Variants in DTX1 observed in about 807,000 individuals in gnomAD.
DTX1 encodes the protein E3 ubiquitin-protein ligase DTX1.
A neutral mutation model predicts 57.8 loss-of-function variants in DTX1; 26 were observed. That is an observed-to-expected ratio of 0.45 (90% confidence interval 0.33 to 0.62). The LOEUF (loss-of-function observed/expected upper bound fraction) is 0.62. Among genes scored for constraint, DTX1 ranks in the 20% least tolerant of loss-of-function variants. The pLI is 0.02. For missense variants in DTX1, 704 were observed against 895.3 expected (o/e 0.79, Z 2.73); for synonymous variants, 398 against 394.1 (o/e 1.01, Z -0.12).
chr12:113,092,626 T>TA (rs1440092154), intron 3 of DTX1, among the ~76,000 whole-genome samples: 1 of 152,248 alleles, frequency 6.6e-6, no homozygotes, highest in Non-Finnish European at 1.5e-5. Context: ...AACCTGGACT[T>TA]ATCATTGTTA....
rs148609376 is a variant in DTX1 at position 113,082,641 on chromosome 12, G to C, written c.941+4536G>C. 3.9e-5 allele frequency among the ~76,000 whole-genome samples: 6 copies of C among 152,288 alleles called. No individual in the cohort carries two copies. In the East Asian group the frequency reaches 1.2e-3, roughly 29 times the overall value. ...ACAGAGCCTCGCTCTTATTGCCCAG[G>C]CTGGAGTACAGTGGCGCAATCACAG... is the stretch of plus-strand genomic sequence containing the variant. On this transcript the variant is annotated intron_variant, in intron 3 of 9. Coordinates refer to ENST00000548759, the MANE Select transcript of DTX1 (RefSeq NM_004416.3).
At position 113,057,500 on chromosome 12, in the gene DTX1, T is replaced by A. The variant is rs1592838627; in HGVS notation, c.-693T>A. The A allele has an allele frequency of 6.9e-6, 1 of 144,966 alleles. No homozygotes were observed. The highest frequency in any genetic ancestry group is 1.5e-5 in the Non-Finnish European group (1 of 65,812). 9.0% of individuals were successfully genotyped at this position (144,966 alleles called of 1,614,324 possible). ...TGCCCACGGGCCCCCGCCCCCCTCG[T>A]CCCCCTCGTCCCCCAGCCCAGCTCC... On this transcript the variant is annotated 5_prime_UTR_variant, in exon 2 of 10. Transcript: ENST00000548759.
At chr12:113,058,518 T>C in intron 2 of DTX1, 67 bp downstream of exon 2, 2 of 1,529,320 alleles carry the variant, frequency 1.3e-6, no homozygotes, top group African/African-American at 1.4e-5. Flanking sequence ...CGTAGGATGC[T>C]GAAAATCCCA....
chr12:113,092,950 A>G (rs1411783830), intron 3 of DTX1, among the ~76,000 whole-genome samples: 1 of 152,198 alleles, frequency 6.6e-6, no homozygotes, highest in Non-Finnish European at 1.5e-5. Flanking sequence ...GGTGCATCCC[A>G]TTGGAACCTG....
chr12:113,093,453 G>T lies in DTX1; in HGVS notation c.1004-86G>T. The T allele has an allele frequency of 1.5e-6, 1 of 673,820 alleles. No individual in the cohort carries two copies. The allele number at this position is 673,820 out of a possible 1,614,324, so 41.7% of individuals were successfully genotyped here. On this transcript the variant is annotated intron_variant, in intron 4 of 9. Coordinates refer to ENST00000548759, the MANE Select transcript of DTX1 (RefSeq NM_004416.3). The surrounding 1 kb of genome is among the most constrained non-coding windows in gnomAD (Gnocchi z 4.2). ...AAGAGCGCAACCCTCCCACCCACCC[G>T]AGGGCCCCGGGATTCCCAGGGCCAG...
intron 1 of DTX1, among the ~76,000 whole-genome samples, 179 bp from the exon 2 acceptor site, chr12:113,057,270 G>A (rs2044631241): frequency 6.6e-6 from 1 of 152,070 alleles, no homozygotes; most frequent in South Asian, 2.1e-4. Context: ...CCGCGCCCCC[G>A]GCCCCTGCCT....
intron 3 of DTX1, among the ~76,000 whole-genome samples, chr12:113,079,973 G>C (rs2044804930): frequency 6.6e-6 from 1 of 151,888 alleles, no homozygotes; most frequent in Admixed American, 6.6e-5. Flanking sequence ...TGAAAACGCT[G>C]TGTACCTGAA....
In DTX1 at chr12:113,094,793, G is replaced by A; in HGVS notation, c.1232G>A (p.Cys411Tyr). Residue 411 changes from cysteine to tyrosine, a missense_variant, in exon 7 of 10, where the codon TGC becomes TAC. By Grantham distance (194) the Cys-to-Tyr change is radical. Coordinates refer to ENST00000548759, the MANE Select transcript of DTX1 (RefSeq NM_004416.3). ...QKVKNPPDED[C>Y]TICMERLVTA... Reference sequence around the variant, plus strand: ...CTCCCCTGCTGCCACCTGCAGGACTGCACCATCTGCATGGAGCGACTGGTC... The same window carrying A: ...CTCCCCTGCTGCCACCTGCAGGACTACACCATCTGCATGGAGCGACTGGTC... 6.2e-7 allele frequency: 1 copy of A among 1,613,354 alleles called. No individual in the cohort carries two copies. Among genetic ancestry groups the A allele is most frequent in the Non-Finnish European group, 8.5e-7 (1 of 1,179,708 alleles).
intron 2 of DTX1, 148 bp downstream of exon 2, chr12:113,058,599 C>T (rs1418596303): frequency 2.2e-6 from 3 of 1,377,786 alleles, no homozygotes; most frequent in Admixed American, 2.6e-5. Flanking sequence ...GCAGTCTAAC[C>T]TTGTCCAGTT....
intron 2 of DTX1, among the ~76,000 whole-genome samples, chr12:113,066,193 G>T (rs2044702745): frequency 6.6e-6 from 1 of 152,148 alleles, no homozygotes. Flanking sequence ...TGTTGGTGAG[G>T]GCCAGGCTCT....
intron 3 of DTX1, among the ~76,000 whole-genome samples, chr12:113,083,040 GA>G (rs2044829647): frequency 6.6e-6 from 1 of 152,186 alleles, no homozygotes; most frequent in Admixed American, 6.5e-5. Flanking sequence ...GTTTCCTTCT[GA>G]GGCCTCTCTC....
At chr12:113,078,167 G>A in intron 3 of DTX1, 62 bp downstream of exon 3, 1 of 1,253,514 alleles carries the variant, frequency 8.0e-7, no homozygotes, top group Non-Finnish European at 1.0e-6. Context: ...CGAAGCCCGG[G>A]GGTGGTTGGC....
chr12:113,070,982 A>G (rs971279111), intron 2 of DTX1, among the ~76,000 whole-genome samples: 2 of 152,246 alleles, frequency 1.3e-5, no homozygotes, highest in African/African-American at 4.8e-5. Context: ...GCCATACAGT[A>G]GGTGCTCAAT....
In DTX1 at chr12:113,077,423, G is replaced by A; in HGVS notation, c.260-1G>A. On this transcript the variant is annotated splice_acceptor_variant, in intron 2 of 9. Transcript: ENST00000548759. LOFTEE classifies it high-confidence loss of function. This position sits in a 1 kb window ranked among gnomAD's most constrained non-coding sequence, Gnocchi z 7.8. ...ACGCCTCCTCCCCATTTCGAGTACAGGCACCATGCGGCCCGTGCGGCGCAA... is the reference window on the plus strand; with the variant it reads ...ACGCCTCCTCCCCATTTCGAGTACAAGCACCATGCGGCCCGTGCGGCGCAA... 1 of 1,602,102 alleles carries A rather than the reference G, an allele frequency of 6.2e-7. No homozygotes were observed. The highest frequency in any genetic ancestry group is 1.3e-5 in the African/African-American group (1 of 74,824).
chr12:113,091,641 C>T (rs540395732), intron 3 of DTX1, among the ~76,000 whole-genome samples: 92 of 128,454 alleles, frequency 7.2e-4, no homozygotes, highest in Non-Finnish European at 1.5e-3. Context: ...TGTCTGCACC[C>T]ACTGCAGCAG....
At chr12:113,066,527 C>CAAAA (rs76083573) in intron 2 of DTX1, among the ~76,000 whole-genome samples, 1 of 120,488 alleles carries the variant, frequency 8.3e-6, no homozygotes, top group African/African-American at 3.0e-5. Context: ...GACTCCGTCT[C>CAAAA]AAAAAAAAAA....
At chr12:113,059,013 G>A (rs185558649) in intron 2 of DTX1, among the ~76,000 whole-genome samples, 3 of 152,226 alleles carry the variant, frequency 2.0e-5, no homozygotes, top group Non-Finnish European at 4.4e-5. Context: ...CTGGCTCCAA[G>A]TGTTGGTTTG....
intron 3 of DTX1, among the ~76,000 whole-genome samples, chr12:113,079,606 C>A (rs1267510169): frequency 2.1e-5 from 3 of 144,374 alleles, no homozygotes; most frequent in African/African-American, 7.7e-5. Context: ...CCACTGACTG[C>A]AACTTCTGCC....
chr12:113,081,564 G>A (rs2044817799), intron 3 of DTX1, among the ~76,000 whole-genome samples: 1 of 152,186 alleles, frequency 6.6e-6, no homozygotes, highest in Admixed American at 6.5e-5. Context: ...AGACAGAAGT[G>A]CTGGGGAGGT....
Sources: allele counts gnomAD v4.1 joint callset (sites outside exome capture counted in the v4.1 genomes callset), GRCh38; gene constraint gnomAD v4.1.1; non-coding constraint Gnocchi (gnomAD v3.1); transcripts MANE v1.5; gene names NCBI Gene and HGNC (gene_info 2026-07-23, HGNC 2026-07-21).